DNM3: variants seen among roughly 807,000 people sequenced by gnomAD.
DNM3 encodes the protein dynamin 3.
In DNM3, 47 loss-of-function variants were observed where a neutral mutation model predicts 101.6. The ratio of observed to expected loss-of-function variants is 0.46; its 90% CI spans 0.37 to 0.59. The LOEUF is 0.59. Ranked by LOEUF, DNM3 falls within the 20% of genes least tolerant of loss-of-function variation. The pLI, the probability that DNM3 is intolerant of heterozygous loss-of-function variation, is 0.00. For synonymous variants in DNM3, 385 were observed against 387.9 expected (o/e 0.99, Z 0.09); for missense variants, 849 against 1,085.7 (o/e 0.78, Z 3.06).
chr1:172,067,160 A>T (rs1318097193), intron 10 of DNM3, among the ~76,000 whole-genome samples: 1 of 152,192 alleles, frequency 6.6e-6, no homozygotes, highest in East Asian at 1.9e-4. Context: ...TTTTCTTTGC[A>T]TTAGATCACT....
chr1:171,911,430 G>A (rs376775333), intron 1 of DNM3, among the ~76,000 whole-genome samples: 5 of 152,078 alleles, frequency 3.3e-5, no homozygotes, highest in Admixed American at 2.0e-4. Context: ...TTACAAGTGC[G>A]TGACACCACG....
chr1:172,045,440 G>A (rs552422130), intron 9 of DNM3, among the ~76,000 whole-genome samples: 77 of 152,244 alleles, frequency 5.1e-4, no homozygotes, highest in African/African-American at 1.8e-3. Flanking sequence ...GAGAAAGCTA[G>A]TTAGCTCTCT....
intron 16 of DNM3, among the ~76,000 whole-genome samples, chr1:172,319,794 C>G (rs1338899672): frequency 6.6e-6 from 1 of 152,162 alleles, no homozygotes; most frequent in African/African-American, 2.4e-5. Context: ...GGACTGTAAA[C>G]TAGTTCAACC....
intron 15 of DNM3, among the ~76,000 whole-genome samples, chr1:172,293,772 A>G (rs1258337122): frequency 6.6e-6 from 1 of 152,226 alleles, no homozygotes; most frequent in Non-Finnish European, 1.5e-5. Context: ...TTTCAACCAG[A>G]TAATTATTTT....
intron 13 of DNM3, among the ~76,000 whole-genome samples, chr1:172,125,633 A>C (rs1013980005): frequency 6.6e-6 from 1 of 152,152 alleles, no homozygotes; most frequent in Non-Finnish European, 1.5e-5. Context: ...ATGGGCAATA[A>C]ATTTAAAAAA....
chr1:172,201,817 G>A (rs977709198), intron 14 of DNM3, among the ~76,000 whole-genome samples: 2 of 152,182 alleles, frequency 1.3e-5, no homozygotes, highest in East Asian at 1.9e-4. Context: ...CCCAGGCCTG[G>A]AGGACCTGTC....
At chr1:171,917,682 T>A (rs966886062) in intron 1 of DNM3, among the ~76,000 whole-genome samples, 2 of 152,202 alleles carry the variant, frequency 1.3e-5, no homozygotes, top group Admixed American at 1.3e-4. Flanking sequence ...ACAGAATCAA[T>A]TTAATAACAC....
intron 15 of DNM3, among the ~76,000 whole-genome samples, chr1:172,272,947 C>G (rs2063141112): frequency 6.6e-6 from 1 of 151,972 alleles, no homozygotes; most frequent in African/African-American, 2.4e-5. Flanking sequence ...TTGAAAAGCC[C>G]TAACAAACAA....
At chr1:172,293,616 G>A (rs2064023276) in intron 15 of DNM3, among the ~76,000 whole-genome samples, 1 of 152,150 alleles carries the variant, frequency 6.6e-6, no homozygotes, top group Admixed American at 6.5e-5. Flanking sequence ...GAATTTATGA[G>A]ACTTCCAGTA....
intron 1 of DNM3, among the ~76,000 whole-genome samples, chr1:171,870,415 G>A (rs1195243841): frequency 6.6e-6 from 1 of 151,750 alleles, no homozygotes. Flanking sequence ...CTGCAGCCTG[G>A]GCGACAGAGT....
intron 1 of DNM3, among the ~76,000 whole-genome samples, chr1:171,850,032 G>A (rs988286801): frequency 6.6e-6 from 1 of 152,300 alleles, no homozygotes; most frequent in South Asian, 2.1e-4. Flanking sequence ...TTTTGGAAAT[G>A]TTAGATGAAA....
intron 4 of DNM3, among the ~76,000 whole-genome samples, chr1:172,009,667 G>A (rs1379214364): frequency 6.6e-6 from 1 of 151,496 alleles, no homozygotes; most frequent in Non-Finnish European, 1.5e-5. Flanking sequence ...GACCGATTAG[G>A]AGAGAACTGA....
intron 14 of DNM3, among the ~76,000 whole-genome samples, chr1:172,181,231 T>C (rs1260218452): frequency 6.6e-6 from 1 of 152,112 alleles, no homozygotes. Flanking sequence ...TAATTGTTAG[T>C]ACATTTCCAA....
intron 1 of DNM3, among the ~76,000 whole-genome samples, chr1:171,914,388 C>T (rs2039545035): frequency 6.6e-6 from 1 of 152,162 alleles, no homozygotes. Context: ...AACTCCCAAC[C>T]TCAGGTGATC....
intron 13 of DNM3, among the ~76,000 whole-genome samples, chr1:172,130,103 T>G (rs967893282): frequency 5.9e-5 from 9 of 152,172 alleles, no homozygotes; most frequent in Middle Eastern, 3.2e-3. Context: ...CTAGAAAAGT[T>G]AATAGCAATA....
At position 172,314,218 on chromosome 1, in the gene DNM3, G is replaced by T. The variant is rs563853476; in HGVS notation, c.1881+5379G>T. ...ACTTAGGACCCAAATGCCCATCAAC[G>T]ATAGACTGGATAAAGAAAATGTGGC... is the stretch of plus-strand genomic sequence containing the variant. On this transcript the variant is annotated intron_variant, in intron 16 of 20. Transcript: ENST00000627582. Among the ~76,000 whole-genome samples the T allele has an allele frequency of 2.6e-5, 4 of 152,290 alleles. 1 individual carries two copies. The highest frequency in any genetic ancestry group is 9.6e-5 in the African/African-American group (4 of 41,574).
chr1:172,269,795 C>T (rs2063011633), intron 15 of DNM3, among the ~76,000 whole-genome samples: 2 of 152,132 alleles, frequency 1.3e-5, no homozygotes, highest in Non-Finnish European at 2.9e-5. Context: ...GCGTGGGGCC[C>T]CCAGGCTGAA....
At chr1:171,855,186 C>T (rs547758868) in intron 1 of DNM3, among the ~76,000 whole-genome samples, 3 of 152,246 alleles carry the variant, frequency 2.0e-5, no homozygotes, top group East Asian at 3.9e-4. Context: ...CAGCTCCGTC[C>T]GTGTTCCTGC....
chr1:172,277,366 A>G (rs2063329521), intron 15 of DNM3, among the ~76,000 whole-genome samples: 1 of 152,064 alleles, frequency 6.6e-6, no homozygotes, highest in African/African-American at 2.4e-5. Flanking sequence ...AGTGAGCAGG[A>G]AAATGGCAGA....
Sources: allele counts gnomAD v4.1 joint callset (sites outside exome capture counted in the v4.1 genomes callset), GRCh38; gene constraint gnomAD v4.1.1; transcripts MANE v1.5; gene names NCBI Gene and HGNC (gene_info 2026-07-23, HGNC 2026-07-21).